The following MOB3B variants were observed in gnomAD, a reference collection of about 807,000 sequenced individuals.
MOB3B encodes MOB kinase activator 3B, also known as MOB kinase activator-like 2B.
Under a neutral mutation model 18.7 loss-of-function variants are expected in MOB3B, and 7 were observed. That is an observed-to-expected ratio of 0.37 (90% CI 0.21 to 0.70). MOB3B has a LOEUF of 0.70. Among genes scored for constraint, MOB3B ranks in the 30% least tolerant of loss-of-function variants. The probability of loss-of-function intolerance (pLI) is 0.52; values close to 1 mark genes in which losing one functional copy is unlikely to be tolerated. For synonymous variants in MOB3B, 111 were observed against 99.9 expected (o/e 1.11, Z -0.66); for missense variants, 253 against 281.3 (o/e 0.90, Z 0.72).
At chr9:27,414,044 T>C (rs1203064820) in intron 2 of MOB3B, among the ~76,000 whole-genome samples, 1 of 152,218 alleles carries the variant, frequency 6.6e-6, no homozygotes, top group Non-Finnish European at 1.5e-5. Context: ...GAGCAACAAA[T>C]ATCTTGGAAC....
At chr9:27,519,134 T>A (rs1411536221) in intron 1 of MOB3B, among the ~76,000 whole-genome samples, 1 of 152,154 alleles carries the variant, frequency 6.6e-6, no homozygotes, top group East Asian at 1.9e-4. Flanking sequence ...GACATCTGAC[T>A]TTGTCCTCTC....
chr9:27,378,725 G>A (rs985447533), intron 2 of MOB3B: 1 of 469,456 alleles, frequency 2.1e-6, no homozygotes, highest in African/African-American at 2.0e-5. Context: ...TGCATGGGCA[G>A]AGCTGGGCAT....
intron 2 of MOB3B, among the ~76,000 whole-genome samples, chr9:27,448,696 G>A (rs552095405): frequency 6.6e-6 from 1 of 152,282 alleles, no homozygotes; most frequent in Admixed American, 6.5e-5. Context: ...AAGTGTTTAA[G>A]GTAGCAAGCA....
chr9:27,331,766 G>T (rs1820793744), intron 3 of MOB3B, among the ~76,000 whole-genome samples: 1 of 152,170 alleles, frequency 6.6e-6, no homozygotes, highest in Admixed American at 6.5e-5. Flanking sequence ...GCTGACTGCA[G>T]CTACTACATC....
At chr9:27,342,104 A>G (rs968321181) in intron 3 of MOB3B, among the ~76,000 whole-genome samples, 6 of 152,184 alleles carry the variant, frequency 3.9e-5, no homozygotes, top group Non-Finnish European at 7.3e-5. Flanking sequence ...CTGCTTCTGC[A>G]CTTCCATGGC....
chr9:27,413,532 G>A (rs185962543), intron 2 of MOB3B, among the ~76,000 whole-genome samples: 4 of 152,192 alleles, frequency 2.6e-5, no homozygotes, highest in Admixed American at 6.5e-5. Flanking sequence ...TTACATGTAC[G>A]TGGCTAGATT....
chr9:27,478,720 T>C (rs1819599187), intron 1 of MOB3B, among the ~76,000 whole-genome samples: 2 of 151,390 alleles, frequency 1.3e-5, no homozygotes, highest in South Asian at 2.1e-4. Flanking sequence ...GTGGCAATAC[T>C]GAAATGATAA....
At chr9:27,351,169 T>C (rs199627640) in intron 3 of MOB3B, among the ~76,000 whole-genome samples, 1 of 152,064 alleles carries the variant, frequency 6.6e-6, no homozygotes, top group Non-Finnish European at 1.5e-5. Context: ...TCCCAAAGTG[T>C]TGGGATTACA....
intron 2 of MOB3B, among the ~76,000 whole-genome samples, chr9:27,371,645 G>T (rs1338333984): frequency 6.6e-6 from 1 of 152,142 alleles, no homozygotes; most frequent in African/African-American, 2.4e-5. Context: ...TGCCTTCAGG[G>T]ATTACAAAGG....
intron 3 of MOB3B, among the ~76,000 whole-genome samples, chr9:27,342,837 C>T (rs1314004422): frequency 6.6e-6 from 1 of 151,528 alleles, no homozygotes; most frequent in Non-Finnish European, 1.5e-5. Context: ...TCCCAGCCGC[C>T]TGCCTTGGCC....
In MOB3B at chr9:27,445,844, C is replaced by T. The variant is rs1351687125; in HGVS notation, c.418+9289G>A. ...CTAAGCAGGAGCCTCCCATTGCCGG[C>T]GGATTGTCAAGGGATATGATCCAGG... is the stretch of plus-strand genomic sequence containing the variant. On this transcript the variant is annotated intron_variant, in intron 2 of 3. Coordinates refer to ENST00000262244, the MANE Select transcript of MOB3B (RefSeq NM_024761.5). Among the ~76,000 whole-genome samples the T allele has an allele frequency of 3.3e-5, 5 of 152,108 alleles. 1 individual carries two copies. Among genetic ancestry groups the T allele is most frequent in the South Asian group, 4.2e-4 (2 of 4,810 alleles).
At chr9:27,478,839 AC>A (rs1390322698) in intron 1 of MOB3B, among the ~76,000 whole-genome samples, 2 of 151,932 alleles carry the variant, frequency 1.3e-5, no homozygotes, top group African/African-American at 4.8e-5. Context: ...ACACACACAC[AC>A]ACACACACAC....
At chr9:27,459,152 G>A (rs10125579) in intron 1 of MOB3B, among the ~76,000 whole-genome samples, 8,751 of 152,158 alleles carry the variant, frequency 0.058, 777 homozygotes, top group African/African-American at 0.19. Context: ...GTACCTGAGA[G>A]TTTTGAAATT....
At chr9:27,382,832 C>G (rs1282043527) in intron 2 of MOB3B, among the ~76,000 whole-genome samples, 1 of 152,038 alleles carries the variant, frequency 6.6e-6, no homozygotes, top group Non-Finnish European at 1.5e-5. Context: ...TCCCTCTCCC[C>G]TACCCAATCC....
intron 2 of MOB3B, among the ~76,000 whole-genome samples, chr9:27,364,473 T>A (rs1322933519): frequency 6.6e-6 from 1 of 152,212 alleles, no homozygotes; most frequent in Non-Finnish European, 1.5e-5. Flanking sequence ...TAGTAAAGGA[T>A]CTGAGAATAT....
At chr9:27,404,119 A>G (rs1821928843) in intron 2 of MOB3B, among the ~76,000 whole-genome samples, 1 of 151,378 alleles carries the variant, frequency 6.6e-6, no homozygotes, top group Admixed American at 6.6e-5. Context: ...GGTAACCATC[A>G]TTCTATTCTC....
chr9:27,468,379 C>A (rs956644477), intron 1 of MOB3B, among the ~76,000 whole-genome samples: 2 of 152,174 alleles, frequency 1.3e-5, no homozygotes, highest in Admixed American at 1.3e-4. Context: ...CTCCAGGGAA[C>A]TGAAAAACTT....
At chr9:27,381,535 A>T (rs1057251041) in intron 2 of MOB3B, among the ~76,000 whole-genome samples, 3 of 152,188 alleles carry the variant, frequency 2.0e-5, no homozygotes, top group Non-Finnish European at 4.4e-5. Flanking sequence ...TGTGGATAGC[A>T]GAGAACTGGG....
intron 3 of MOB3B, among the ~76,000 whole-genome samples, chr9:27,349,351 G>T (rs953386384): frequency 6.6e-6 from 1 of 152,212 alleles, no homozygotes; most frequent in African/African-American, 2.4e-5. Context: ...TGGTGGGACA[G>T]GTGGGTGGTG....
Sources: gnomAD v4.1 joint callset for allele counts (sites outside exome capture counted in the v4.1 genomes callset) on GRCh38, gnomAD v4.1.1 for gene constraint, MANE v1.5 for transcripts, NCBI Gene and HGNC (gene_info 2026-07-23, HGNC 2026-07-21) for gene names.